The following KIF7 variants were observed in gnomAD, a reference collection of about 807,000 sequenced individuals.
KIF7 encodes kinesin-like protein KIF7.
In KIF7, 104 loss-of-function variants were observed where a neutral mutation model predicts 135.7. The observed-to-expected ratio is 0.77, with a 90% CI of 0.65 to 0.90. The LOEUF is 0.90. Among genes scored for constraint, KIF7 ranks in the 40% least tolerant of loss-of-function variants. The probability of loss-of-function intolerance (pLI) is 0.00; values close to 1 mark genes in which losing one functional copy is unlikely to be tolerated. For missense variants in KIF7, 2,005 were observed against 1,839.1 expected (o/e 1.09, Z -1.65); for synonymous variants, 883 against 809.4 (o/e 1.09, Z -1.54).
At chr15:89,656,359 C>CT (rs112951627), upstream of KIF7, among the ~76,000 whole-genome samples, 1,088 of 142,598 alleles carry the variant, frequency 7.6e-3, 5 homozygotes, top group African/African-American at 0.016. Flanking sequence ...CTTTTTAACT[C>CT]TTTTTTTTTT....
At chr15:89,645,284 A>T in intron 9 of KIF7, 52 bp downstream of exon 9, 3 of 1,600,766 alleles carry the variant, frequency 1.9e-6, no homozygotes, top group Non-Finnish European at 2.6e-6. Flanking sequence ...CTGGCCCAGA[A>T]CCGTGGAGGG....
chr15:89,630,643 C>G (rs1963654482), intron 15 of KIF7, 150 bp from the exon 16 acceptor site: 1 of 710,536 alleles, frequency 1.4e-6, no homozygotes, highest in Non-Finnish European at 2.5e-6. Flanking sequence ...GAGAGGTGCC[C>G]CCTGCTCACT....
intron 18 of KIF7, 73 bp downstream of exon 18, chr15:89,628,903 G>C: frequency 1.2e-6 from 2 of 1,611,652 alleles, no homozygotes; most frequent in South Asian, 2.2e-5. Context: ...ATAAAGGCTC[G>C]AGGGAGAGTG....
downstream of KIF7, chr15:89,627,427 G>C (rs1963553005): frequency 3.7e-6 from 1 of 273,434 alleles, no homozygotes; most frequent in South Asian, 8.2e-5. Context: ...TATGCAAATG[G>C]AGAAAGGCGC....
At chr15:89,623,976 C>A, downstream of KIF7, 2 of 1,614,004 alleles carry the variant, frequency 1.2e-6, no homozygotes, top group Non-Finnish European at 1.7e-6. Flanking sequence ...GTCCAGAAAG[C>A]CCCTCCTGTC....
chr15:89,620,813 C>T (rs548614905), intron 1 of KIF7, among the ~76,000 whole-genome samples: 2 of 151,956 alleles, frequency 1.3e-5, no homozygotes, highest in African/African-American at 4.8e-5. Flanking sequence ...AGCTCTGCCT[C>T]CCGGGTTCAT....
chr15:89,625,253 C>T (rs1963499105), downstream of KIF7: 1 of 1,612,726 alleles, frequency 6.2e-7, no homozygotes, highest in South Asian at 1.1e-5. Context: ...CAGGCCTGTA[C>T]CCCCACCCAC....
In KIF7 at chr15:89,639,092, A is replaced by T. The variant is rs922700175; in HGVS notation, c.2394+3111T>A. ...CTGGGAAAACTGGCTAGCCATATGT[A>T]GAAAGCTGAAACTGGATCCCTTCCT... On this transcript the variant is annotated intron_variant, in intron 11 of 18. Transcript: ENST00000394412. Among the ~76,000 whole-genome samples the T allele has an allele frequency of 5.0e-3, 766 of 152,176 alleles. 7 individuals are homozygous for T. Among genetic ancestry groups the T allele is most frequent in the Non-Finnish European group, 8.2e-3 (554 of 67,970 alleles).
At chr15:89,659,460 AAAG>A (rs1229172934), upstream of KIF7, among the ~76,000 whole-genome samples, 2 of 151,832 alleles carry the variant, frequency 1.3e-5, no homozygotes, top group South Asian at 2.1e-4. Context: ...AGAGAGAAAG[AAAG>A]AAAAAAGAAA....
At chr15:89,636,033 TAAAGA>T (rs1020269976) in intron 11 of KIF7, among the ~76,000 whole-genome samples, 9 of 151,996 alleles carry the variant, frequency 5.9e-5, no homozygotes, top group South Asian at 2.1e-4. Flanking sequence ...TCAACATTCT[TAAAGA>T]AAAGAATTTT....
chr15:89,640,646 G>C (rs566382568), intron 11 of KIF7, among the ~76,000 whole-genome samples: 15 of 152,112 alleles, frequency 9.9e-5, no homozygotes, highest in African/African-American at 3.4e-4. Context: ...GGATGGAAGG[G>C]TGGGAGGGAC....
chr15:89,639,283 C>G (rs528802856), intron 11 of KIF7, among the ~76,000 whole-genome samples: 2 of 151,654 alleles, frequency 1.3e-5, no homozygotes, highest in South Asian at 4.2e-4. Flanking sequence ...AAGCCAAAAT[C>G]GACAAATGGG....
Position 89,630,398 on chromosome 15 carries a change from C to A in KIF7, c.3207G>T (p.Val1069=). The A allele has an allele frequency of 6.2e-7, 1 of 1,612,740 alleles. No homozygotes were observed. The highest frequency in any genetic ancestry group is 1.3e-5 in the African/African-American group (1 of 75,048). The change falls in exon 16 of 19, where the codon GTG becomes GTT. Residue 1069 remains valine, a synonymous_variant. Coordinates refer to ENST00000394412, the MANE Select transcript of KIF7 (RefSeq NM_198525.3). ...ACAGCAACGAGGCTGAGGCCCGAAGCACCCGCTGGCGGCATGTGATGGCCT... is the reference window on the plus strand; with the variant it reads ...ACAGCAACGAGGCTGAGGCCCGAAGAACCCGCTGGCGGCATGTGATGGCCT... The part of the protein sequence containing the change: ...KNEAITCRQR[V]LRASASLLSQ...
chr15:89,627,241 C>T (rs1567055166), downstream of KIF7: 4 of 859,488 alleles, frequency 4.7e-6, no homozygotes, highest in Non-Finnish European at 7.0e-6. Context: ...CTTATGGATC[C>T]AATCCATCTC....
At chr15:89,636,874 A>G (rs1436873883) in intron 11 of KIF7, among the ~76,000 whole-genome samples, 1 of 150,122 alleles carries the variant, frequency 6.7e-6, no homozygotes, top group African/African-American at 2.5e-5. Context: ...AACAGAATAT[A>G]TATTTTTTTC....
At chr15:89,661,924 G>A in the KIF7 span, among the ~76,000 whole-genome samples, 1 of 151,962 alleles carries the variant, frequency 6.6e-6, no homozygotes, top group South Asian at 2.1e-4. Context: ...TAATAGAGAT[G>A]GGGTTTCACC....
rs1964049441 is a variant in KIF7, at chr15:89,648,148, C to G, written c.1443+107G>C. 6 of 1,349,092 alleles carry G rather than the reference C, an allele frequency of 4.4e-6. No individual in the cohort carries two copies. In the Admixed American group the frequency reaches 1.7e-4, roughly 37 times the overall value. 83.6% of individuals were successfully genotyped at this position (1,349,092 alleles called of 1,614,324 possible). ...GTGACCGAATCCCGAACGTGCCCTG[C>G]TAATGGGCAGGAGGCAGGGGCGCAG... On this transcript the variant is annotated intron_variant, in intron 5 of 18. Transcript: ENST00000394412.
At chr15:89,645,199 A>C in intron 9 of KIF7, 34 bp from the exon 10 acceptor site, 1 of 1,605,270 alleles carries the variant, frequency 6.2e-7, no homozygotes, top group South Asian at 1.1e-5. Context: ...TTGCTGCCCC[A>C]ACTGACAGTG....
At chr15:89,618,316 G>A (rs773483581) in intron 1 of KIF7, 1 of 1,038,878 alleles carries the variant, frequency 9.6e-7, no homozygotes, top group Non-Finnish European at 1.5e-6. Flanking sequence ...TACAGAAATT[G>A]TGATGGCTCT....
Sources: gnomAD v4.1 joint callset for allele counts (sites outside exome capture counted in the v4.1 genomes callset) on GRCh38, gnomAD v4.1.1 for gene constraint, MANE v1.5 for transcripts, NCBI Gene and HGNC (gene_info 2026-07-23, HGNC 2026-07-21) for gene names.